Variants in ARSG observed in about 807,000 individuals in gnomAD.
ARSG encodes arylsulfatase G, also known as ASG.
In ARSG, 37 loss-of-function variants were observed where a neutral mutation model predicts 50.5. The ratio of observed to expected loss-of-function variants is 0.73; its 90% CI spans 0.56 to 0.96. The LOEUF is 0.96. Among genes scored for constraint, ARSG ranks in the 50% least tolerant of loss-of-function variants. The pLI, the probability that ARSG is intolerant of heterozygous loss-of-function variation, is 0.00. For missense variants in ARSG, 629 were observed against 675.3 expected, an observed-to-expected ratio of 0.93 and a Z score of 0.76; for synonymous variants, 225 against 254.6, an observed-to-expected ratio of 0.88 and a Z score of 1.11.
At chr17:68,259,502 G>C (rs2075040363) in intron 1 of ARSG, 1 of 152,212 alleles carries the variant, frequency 6.6e-6, no homozygotes, top group Non-Finnish European at 1.5e-5. Flanking sequence ...TCACTTTGTA[G>C]ATTCTGATAT....
chr17:68,436,218 G>A, the ARSG span, among the ~76,000 whole-genome samples: 897 of 152,324 alleles, frequency 5.9e-3, 9 homozygotes, highest in African/African-American at 0.021. Context: ...TTGACTCACA[G>A]CAAGCCCGAG....
intron 6 of ARSG, 146 bp from the exon 7 acceptor site, chr17:68,368,402 G>A (rs1305514983): frequency 1.5e-6 from 1 of 678,500 alleles, no homozygotes; most frequent in African/African-American, 1.8e-5. Flanking sequence ...CATTTCCTTG[G>A]AAGATTCTGG....
At chr17:68,361,065 T>C (rs1042276159) in intron 6 of ARSG, among the ~76,000 whole-genome samples, 14 of 152,182 alleles carry the variant, frequency 9.2e-5, no homozygotes, top group Non-Finnish European at 1.8e-4. Context: ...CCTCAGGTGA[T>C]CTACCTGCCT....
At chr17:68,408,509 T>A (rs2081849908) in intron 11 of ARSG, among the ~76,000 whole-genome samples, 1 of 152,062 alleles carries the variant, frequency 6.6e-6, no homozygotes, top group Non-Finnish European at 1.5e-5. Context: ...CACATTTTCT[T>A]AATCCAGTCT....
intron 2 of ARSG, among the ~76,000 whole-genome samples, chr17:68,330,365 G>T (rs996442921): frequency 1.3e-5 from 2 of 152,136 alleles, no homozygotes; most frequent in Non-Finnish European, 2.9e-5. Context: ...TCTGGACTGT[G>T]GTGTGAATGG....
rs187610647 is a variant in ARSG, at chr17:68,265,013, G to A, written c.-552+5587G>A. ...TACTAAAAATACAAAAATTAGCTGG[G>A]CGTGGTGGCACATGCCTGTAATCCC... On this transcript the variant is annotated intron_variant, in intron 1 of 11. Coordinates refer to the ARSG transcript ENST00000448504. 1.1e-3 allele frequency among the ~76,000 whole-genome samples: 160 copies of A among 151,544 alleles called. 1 individual carries two copies. Among genetic ancestry groups the A allele is most frequent in the African/African-American group, 3.8e-3 (156 of 41,362 alleles).
At chr17:68,298,285 G>T (rs2076281162) in intron 1 of ARSG, among the ~76,000 whole-genome samples, 2 of 151,928 alleles carry the variant, frequency 1.3e-5, no homozygotes, top group Non-Finnish European at 2.9e-5. Context: ...TCTGTCTTGG[G>T]GTGCTCAGGA....
intron 2 of ARSG, 122 bp from the exon 3 acceptor site, chr17:68,343,482 C>A: frequency 9.8e-7 from 1 of 1,025,572 alleles, no homozygotes; most frequent in Non-Finnish European, 1.4e-6. Context: ...TGACTTGTTC[C>A]ATGACTGGGT....
chr17:68,260,279 A>G (rs1319147271), intron 1 of ARSG, among the ~76,000 whole-genome samples: 11 of 152,168 alleles, frequency 7.2e-5, no homozygotes, highest in Admixed American at 7.2e-4. Context: ...ATGTTGAGTT[A>G]TTCGTTGTTT....
At chr17:68,300,210 C>T (rs536329492) in intron 1 of ARSG, among the ~76,000 whole-genome samples, 15 of 152,196 alleles carry the variant, frequency 9.9e-5, no homozygotes, top group African/African-American at 2.4e-4. Context: ...CCTCCCAAAG[C>T]GCTGGGATTA....
chr17:68,291,505 G>A lies in ARSG; in HGVS notation c.-615G>A, dbSNP rs1299261008. 6.7e-6 allele frequency: 1 copy of A among 149,862 alleles called. No homozygotes were observed. Among genetic ancestry groups the A allele is most frequent in the Admixed American group, 6.6e-5 (1 of 15,122 alleles). 9.3% of individuals were successfully genotyped at this position (149,862 alleles called of 1,614,324 possible). ...GCCTGGCGCGCGCGCGCCGTCCCACGTGGACCTGAGCCGCGCCGGTCGCGC... is the reference window on the plus strand; with the variant it reads ...GCCTGGCGCGCGCGCGCCGTCCCACATGGACCTGAGCCGCGCCGGTCGCGC... On this transcript the variant is annotated 5_prime_UTR_variant, in exon 1 of 12. The change creates a new upstream start codon in the 5' untranslated region. Coordinates refer to ENST00000621439, the MANE Select transcript of ARSG (RefSeq NM_001267727.2).
chr17:68,326,378 ACAACT>A (rs1568470817), intron 2 of ARSG, among the ~76,000 whole-genome samples: 1 of 152,198 alleles, frequency 6.6e-6, no homozygotes, highest in Non-Finnish European at 1.5e-5. Context: ...TCTAGAAAAA[ACAACT>A]CAGCCTGGCG....
downstream of ARSG, chr17:68,421,059 AATC>A (rs1235571087): frequency 6.5e-6 from 1 of 155,018 alleles, no homozygotes; most frequent in Non-Finnish European, 1.4e-5. Flanking sequence ...TAGATCCTGA[AATC>A]CTACATTTCT....
chr17:68,336,463 G>T (rs1417689380), intron 2 of ARSG, among the ~76,000 whole-genome samples: 1 of 152,086 alleles, frequency 6.6e-6, no homozygotes, highest in African/African-American at 2.4e-5. Flanking sequence ...ACCCACCTTG[G>T]CCTCCCAAAA....
At chr17:68,445,414 C>T in the ARSG span, among the ~76,000 whole-genome samples, 1 of 152,264 alleles carries the variant, frequency 6.6e-6, no homozygotes, top group East Asian at 1.9e-4. Flanking sequence ...TGAATAATTA[C>T]CAGCTCTAAC....
At chr17:68,353,218 C>G (rs536228602) in intron 5 of ARSG, among the ~76,000 whole-genome samples, 63 of 151,900 alleles carry the variant, frequency 4.1e-4, no homozygotes, top group Middle Eastern at 6.8e-3. Flanking sequence ...AACCTGATAC[C>G]TGATTTTACA....
At chr17:68,412,211 A>T (rs887624078) in intron 11 of ARSG, among the ~76,000 whole-genome samples, 3 of 151,916 alleles carry the variant, frequency 2.0e-5, no homozygotes, top group African/African-American at 4.8e-5. Context: ...GTTTCTTCCT[A>T]GTCTCGATGG....
intron 1 of ARSG, chr17:68,269,167 G>C (rs782530847): frequency 1.9e-6 from 3 of 1,549,690 alleles, no homozygotes; most frequent in Admixed American, 4.2e-5. Context: ...AAGTCTTCAG[G>C]TATGTCCTGT....
At chr17:68,291,442 T>A (rs1248601895), upstream of ARSG, 1 of 150,030 alleles carries the variant, frequency 6.7e-6, no homozygotes, top group African/African-American at 2.4e-5. Flanking sequence ...CCGCCGACCA[T>A]GTGCTGCGAG....
Sources: allele counts gnomAD v4.1 joint callset (sites outside exome capture counted in the v4.1 genomes callset), GRCh38; gene constraint gnomAD v4.1.1; transcripts MANE v1.5; gene names NCBI Gene and HGNC (gene_info 2026-07-23, HGNC 2026-07-21).